The following KIF17 variants were observed in gnomAD, a reference collection of about 807,000 sequenced individuals.
KIF17 encodes the protein kinesin family member 17, also known as kinesin-like protein KIF17.
In KIF17, 80 loss-of-function variants were observed where a neutral mutation model predicts 96.8. The observed-to-expected ratio is 0.83, with a 90% confidence interval of 0.69 to 1.00. KIF17 has a LOEUF of 1.00. Among genes scored for constraint, KIF17 ranks in the 50% least tolerant of loss-of-function variants. The probability of loss-of-function intolerance (pLI) is 0.00; values close to 1 mark genes in which losing one functional copy is unlikely to be tolerated. For missense variants in KIF17, 1,280 were observed against 1,372.9 expected (o/e 0.93, Z 1.07); for synonymous variants, 567 against 587.5 (o/e 0.97, Z 0.51).
intron 3 of KIF17, among the ~76,000 whole-genome samples, chr1:20,711,532 G>C (rs150152617): frequency 6.3e-4 from 96 of 152,306 alleles, no homozygotes; most frequent in African/African-American, 2.3e-3. Flanking sequence ...GGGGAGCATG[G>C]CAGGAATGTG....
Position 20,695,373 on chromosome 1 carries a change from A to T in KIF17, c.1233+3006T>A, listed in dbSNP as rs148978948. 5.8e-4 allele frequency among the ~76,000 whole-genome samples: 89 copies of T among 152,256 alleles called. No homozygotes were observed. In the East Asian group the frequency reaches 0.013, roughly 22 times the overall value. Reference sequence around the variant, plus strand: ...CGACTAATTTTTGTATTTGTAGTAGAGACGGGGTTTCGCCATGTTGGCCAG... The same window carrying T: ...CGACTAATTTTTGTATTTGTAGTAGTGACGGGGTTTCGCCATGTTGGCCAG... On this transcript the variant is annotated intron_variant, in intron 6 of 14. Coordinates refer to ENST00000400463, the MANE Select transcript of KIF17 (RefSeq NM_001122819.3).
At chr1:20,662,821 C>T (rs1406102517), downstream of KIF17, among the ~76,000 whole-genome samples, 1 of 152,046 alleles carries the variant, frequency 6.6e-6, no homozygotes. Flanking sequence ...CGCTCTCCGC[C>T]AGGAGCGCCC....
In KIF17 at chr1:20,700,316, C is replaced by T. The variant is rs1478105823; in HGVS notation, c.1124-1828G>A. ...CAACTCCTGACCTCAAGTGATCTGC[C>T]CACCTCGGCCTCCCAAAGTACTAGG... On this transcript the variant is annotated intron_variant, in intron 5 of 14. Transcript: ENST00000400463. The surrounding 1 kb of genome is among the most constrained non-coding windows in gnomAD (Gnocchi z 4.6). 6.6e-5 allele frequency among the ~76,000 whole-genome samples: 10 copies of T among 152,150 alleles called. No homozygotes were observed.
At position 20,671,975 on chromosome 1, in the gene KIF17, G is replaced by A; in HGVS notation, c.2685C>T (p.Ile895=). The change falls in exon 12 of 15, where the codon ATC becomes ATT. Residue 895 remains isoleucine, a synonymous_variant. Transcript: ENST00000400463. ...CWDEDNGFWK[I]PHPVITKTSL... Reference sequence around the variant, plus strand: ...TGGTTTTTGTGATGACGGGATGTGGGATCTTCCAGAAGCCGTTATCTTCGT... The same window carrying A: ...TGGTTTTTGTGATGACGGGATGTGGAATCTTCCAGAAGCCGTTATCTTCGT... The A allele has an allele frequency of 1.9e-6, 3 of 1,614,002 alleles. No homozygotes were observed. Among genetic ancestry groups the A allele is most frequent in the Non-Finnish European group, 2.5e-6 (3 of 1,180,044 alleles).
At chr1:20,712,121 C>A (rs1394799031) in intron 3 of KIF17, among the ~76,000 whole-genome samples, 1 of 152,148 alleles carries the variant, frequency 6.6e-6, no homozygotes, top group Non-Finnish European at 1.5e-5. Context: ...GCCTTCGGCC[C>A]CTCTAGGCCC....
intron 4 of KIF17, among the ~76,000 whole-genome samples, chr1:20,707,852 G>GTA (rs1304774563): frequency 3.9e-5 from 5 of 129,178 alleles, no homozygotes; most frequent in Non-Finnish European, 7.9e-5. Context: ...AAATATATAT[G>GTA]TATATATATA....
rs578074180 is a variant in KIF17, at chr1:20,682,839, C to A, written c.2277G>T (p.Lys759Asn). 55 of 1,612,328 alleles carry A rather than the reference C, an allele frequency of 3.4e-5. No homozygotes were observed. In the African/African-American group the frequency reaches 5.7e-4, roughly 17 times the overall value. Residue 759 changes from lysine (K) to asparagine (N), a missense_variant, in exon 11 of 15, where the codon AAG (lysine) becomes AAT (asparagine). Physicochemically the swap from Lys to Asn is moderately conservative, Grantham distance 94. Coordinates refer to ENST00000400463, the MANE Select transcript of KIF17 (RefSeq NM_001122819.3). ...EQQVVGGEQA[K>N]NKDLKEKHKR... ...TGTGCTTCTCCTTCAGGTCCTTGTTCTTGGCCTGCTCTCCACCCACAACCT... is the reference window on the plus strand; with the variant it reads ...TGTGCTTCTCCTTCAGGTCCTTGTTATTGGCCTGCTCTCCACCCACAACCT...
In KIF17 at chr1:20,698,497, G is replaced by A. The variant is rs2054181987; in HGVS notation, c.1124-9C>T. On this transcript the variant is annotated splice_polypyrimidine_tract_variant and intron_variant, in intron 5 of 14. Transcript: ENST00000400463. ...CTGCCTGGACAGCAGGGCTGGGGGA[G>A]AAACAGAAATTAGCAGCCAGGATGA... The A allele has an allele frequency of 1.3e-6, 2 of 1,599,622 alleles. No homozygotes were observed. Among genetic ancestry groups the A allele is most frequent in the Admixed American group, 3.3e-5 (2 of 59,998 alleles).
chr1:20,664,911 G>A (rs645819), intron 14 of KIF17, 149 bp from the exon 15 acceptor site: 5 of 738,220 alleles, frequency 6.8e-6, no homozygotes, highest in Non-Finnish European at 1.2e-5. Context: ...GGGACCCCAG[G>A]CTCTGCGAGG....
chr1:20,689,977 G>A (rs1301962259), intron 7 of KIF17, among the ~76,000 whole-genome samples: 1 of 152,214 alleles, frequency 6.6e-6, no homozygotes, highest in Non-Finnish European at 1.5e-5. Context: ...CCAGCTGTGT[G>A]ACCATGGGCA....
chr1:20,711,080 G>A (rs2154537618), intron 3 of KIF17, among the ~76,000 whole-genome samples: 1 of 152,024 alleles, frequency 6.6e-6, no homozygotes, highest in Non-Finnish European at 1.5e-5. Context: ...GGTTGGGGAG[G>A]TTAATATGCC....
In KIF17 at chr1:20,717,879, C is replaced by G; in HGVS notation, c.-173G>C. On this transcript the variant is annotated 5_prime_UTR_variant, in exon 1 of 15. Coordinates refer to ENST00000400463, the MANE Select transcript of KIF17 (RefSeq NM_001122819.3). Reference sequence around the variant, plus strand: ...CCTCGGGGGGCGCCCCGGAGGGGAGCTGGGCGTCGCAGGACCCGAGCCGGG... The same window carrying G: ...CCTCGGGGGGCGCCCCGGAGGGGAGGTGGGCGTCGCAGGACCCGAGCCGGG... 2.7e-6 allele frequency: 1 copy of G among 374,318 alleles called. No individual in the cohort carries two copies. The highest frequency in any genetic ancestry group is 4.0e-6 in the Non-Finnish European group (1 of 250,386). The allele number at this position is 374,318 out of a possible 1,614,324, so 23.2% of individuals were successfully genotyped here. A position where few individuals can be genotyped will look rare whatever the true frequency, so the allele number is the denominator to read the frequency against.
At chr1:20,688,040 GTTTGTTTTTTT>G (rs956883942) in intron 7 of KIF17, 96 bp from the exon 8 acceptor site, 21 of 1,076,458 alleles carry the variant, frequency 2.0e-5, no homozygotes, top group African/African-American at 3.2e-5. Flanking sequence ...TGTTTTTTTT[GTTTGTTTTTTT>G]TTTGTTTTTT....
chr1:20,670,025 C>T (rs991183149), intron 13 of KIF17, among the ~76,000 whole-genome samples: 7 of 147,174 alleles, frequency 4.8e-5, no homozygotes, highest in South Asian at 2.2e-4. Flanking sequence ...ATATGAGAGA[C>T]GGGAAAATAA....
At chr1:20,713,896 C>CA (rs1350939054) in intron 2 of KIF17, among the ~76,000 whole-genome samples, 4 of 151,770 alleles carry the variant, frequency 2.6e-5, no homozygotes, top group South Asian at 2.1e-4. Context: ...CAAAACAAAA[C>CA]AAAAAAAACA....
intron 14 of KIF17, among the ~76,000 whole-genome samples, chr1:20,665,432 C>T (rs189824455): frequency 7.1e-6 from 1 of 140,192 alleles, no homozygotes; most frequent in East Asian, 2.1e-4. Context: ...CAGGGTCTCA[C>T]TCTGTCGCCT....
chr1:20,715,396 G>T, intron 2 of KIF17, 97 bp downstream of exon 2: 1 of 1,513,300 alleles, frequency 6.6e-7, no homozygotes, highest in South Asian at 1.1e-5. Flanking sequence ...GGGTCAGGCC[G>T]GGCTCCAAAG....
chr1:20,673,236 GATAA>G (rs1352648352), intron 11 of KIF17, among the ~76,000 whole-genome samples: 3 of 151,736 alleles, frequency 2.0e-5, no homozygotes, highest in Non-Finnish European at 2.9e-5. Context: ...TAAATAAATA[GATAA>G]ATAAAAATAA....
At chr1:20,717,199 G>C in intron 1 of KIF17, 1 of 496,702 alleles carries the variant, frequency 2.0e-6, no homozygotes. Flanking sequence ...CGTGGTGGCA[G>C]GCACCTGTAA....
Sources: gnomAD v4.1 joint callset for allele counts (sites outside exome capture counted in the v4.1 genomes callset) on GRCh38, gnomAD v4.1.1 for gene constraint, Gnocchi (gnomAD v3.1) non-coding constraint, MANE v1.5 for transcripts, NCBI Gene and HGNC (gene_info 2026-07-23, HGNC 2026-07-21) for gene names.